MAST2: variants seen among roughly 807,000 people sequenced by gnomAD.
MAST2 encodes the protein microtubule-associated serine/threonine-protein kinase 2.
A neutral mutation model predicts 147.4 loss-of-function variants in MAST2; 70 were observed. The observed-to-expected ratio is 0.47, with a 90% CI of 0.39 to 0.58. The LOEUF is 0.58. MAST2 is among the 20% of genes least tolerant of loss of function. The probability of loss-of-function intolerance (pLI) is 0.00; values close to 1 mark genes in which losing one functional copy is unlikely to be tolerated. For synonymous variants in MAST2, 869 were observed against 896.8 expected (o/e 0.97, Z 0.55); for missense variants, 2,080 against 2,302.3 (o/e 0.90, Z 1.98).
At position 46,031,427 on chromosome 1, in the gene MAST2, C is replaced by T; in HGVS notation, c.3029C>T (p.Ala1010Val). Residue 1010 changes from alanine (A) to valine (V), a missense_variant, in exon 24 of 29, where the codon GCT (alanine) becomes GTT (valine). Physicochemically the swap from Ala to Val is moderately conservative, Grantham distance 64. This residue lies in a region of MAST2 where 1,278 missense variants were observed against 1,304.2 expected (regional missense o/e 0.98). Transcript: ENST00000361297. This position sits in a 1 kb window ranked among gnomAD's most constrained non-coding sequence, Gnocchi z 4.1. Reference protein sequence around the residue: ...ETRGRGTSQLAEGATAKAISD... With the variant: ...ETRGRGTSQLVEGATAKAISD... ...CGAGGCCGTGGGACCTCACAGCTGGCTGAGGGAGCCACAGCCAAGGCCATC... is the reference window on the plus strand; with the variant it reads ...CGAGGCCGTGGGACCTCACAGCTGGTTGAGGGAGCCACAGCCAAGGCCATC... 3 of 1,613,916 alleles carry T rather than the reference C, an allele frequency of 1.9e-6. No homozygotes were observed. Among genetic ancestry groups the T allele is most frequent in the Non-Finnish European group, 2.5e-6 (3 of 1,179,900 alleles).
At chr1:45,997,694 A>C (rs1463616054) in intron 5 of MAST2, 30 bp from the exon 6 acceptor site, 3 of 1,578,480 alleles carry the variant, frequency 1.9e-6, no homozygotes, top group African/African-American at 2.7e-5. Flanking sequence ...AGCAAACCTC[A>C]CAGAGTTTTG....
At chr1:45,890,041 G>T (rs1160778865) in intron 4 of MAST2, among the ~76,000 whole-genome samples, 2 of 152,190 alleles carry the variant, frequency 1.3e-5, no homozygotes, top group Non-Finnish European at 2.9e-5. Flanking sequence ...CCCGTGCCCA[G>T]CTGGAATGTT....
At chr1:45,808,234 T>C (rs898144842) in intron 1 of MAST2, among the ~76,000 whole-genome samples, 10 of 152,168 alleles carry the variant, frequency 6.6e-5, no homozygotes, top group African/African-American at 2.4e-4. Context: ...TGGCTTTTTT[T>C]GTTTGTTTTA....
intron 5 of MAST2, among the ~76,000 whole-genome samples, chr1:45,994,990 C>T (rs1020334673): frequency 6.6e-6 from 1 of 152,102 alleles, no homozygotes; most frequent in African/African-American, 2.4e-5. Flanking sequence ...AGGCGCCCGC[C>T]ACCACGCCCG....
intron 5 of MAST2, among the ~76,000 whole-genome samples, chr1:45,966,393 A>G (rs913556840): frequency 5.3e-5 from 8 of 151,112 alleles, no homozygotes; most frequent in African/African-American, 1.7e-4. Context: ...CAATTGCTAT[A>G]TTGAATGGTA....
At chr1:45,886,845 G>T (rs1382321650) in intron 4 of MAST2, among the ~76,000 whole-genome samples, 1 of 152,004 alleles carries the variant, frequency 6.6e-6, no homozygotes, top group Admixed American at 6.5e-5. Context: ...GTTTGTTTTT[G>T]TGACAGGGTC....
At chr1:45,843,517 A>G (rs1205839379) in intron 3 of MAST2, among the ~76,000 whole-genome samples, 2 of 152,202 alleles carry the variant, frequency 1.3e-5, no homozygotes, top group African/African-American at 2.4e-5. Flanking sequence ...CAAGAGTTAG[A>G]TGTCCAGAGT....
At chr1:46,005,190 C>G (rs1302269078) in intron 7 of MAST2, among the ~76,000 whole-genome samples, 1 of 152,150 alleles carries the variant, frequency 6.6e-6, no homozygotes, top group Non-Finnish European at 1.5e-5. Context: ...TGGAAAAACC[C>G]CATCTTTATT....
At chr1:45,903,485 A>G (rs1650155448) in intron 4 of MAST2, among the ~76,000 whole-genome samples, 1 of 152,054 alleles carries the variant, frequency 6.6e-6, no homozygotes, top group Non-Finnish European at 1.5e-5. Flanking sequence ...AGGTTTTGGT[A>G]TGTTGTGTCT....
chr1:45,836,361 A>G (rs1208262140), intron 3 of MAST2, among the ~76,000 whole-genome samples: 4 of 152,160 alleles, frequency 2.6e-5, no homozygotes, highest in African/African-American at 9.7e-5. Context: ...CTGTCTGTTG[A>G]GGTCACATGG....
chr1:45,878,203 CAAAA>C (rs34794896), intron 3 of MAST2, among the ~76,000 whole-genome samples: 7 of 114,760 alleles, frequency 6.1e-5, no homozygotes, highest in Non-Finnish European at 9.0e-5. Flanking sequence ...GGCTCTATCT[CAAAA>C]AAAAAAAAAA....
At chr1:45,978,417 G>A (rs1296780072) in intron 5 of MAST2, among the ~76,000 whole-genome samples, 1 of 152,152 alleles carries the variant, frequency 6.6e-6, no homozygotes, top group African/African-American at 2.4e-5. Flanking sequence ...TCAGGAGGCC[G>A]AGGCAAAAGA....
chr1:45,869,162 C>T (rs1009810283), intron 3 of MAST2, among the ~76,000 whole-genome samples: 1 of 152,108 alleles, frequency 6.6e-6, no homozygotes, highest in African/African-American at 2.4e-5. Context: ...TTCTACCTAT[C>T]AACCTTCTGA....
Position 46,031,383 on chromosome 1 carries a change from G to T in MAST2, c.2993-8G>T, listed in dbSNP as rs774608627. The T allele has an allele frequency of 6.2e-7, 1 of 1,607,252 alleles. No homozygotes were observed. The highest frequency in any genetic ancestry group is 1.7e-5 in the Admixed American group (1 of 59,672). ...ATCGCGGGTCTCACTGCTTACTTGG[G>T]CCTACAGCTATGGAGACCCGAGGCC... On this transcript the variant is annotated splice_polypyrimidine_tract_variant and splice_region_variant and intron_variant, in intron 23 of 28. Transcript: ENST00000361297. The surrounding 1 kb of genome is among the most constrained non-coding windows in gnomAD (Gnocchi z 4.1).
chr1:45,809,418 G>A (rs527686397), intron 1 of MAST2, among the ~76,000 whole-genome samples: 1 of 152,102 alleles, frequency 6.6e-6, no homozygotes, highest in African/African-American at 2.4e-5. Flanking sequence ...TTGAGCAGGC[G>A]GGTTGCTTGA....
At chr1:45,883,912 G>GGGGGGGGGGGGCCCCCCCC in intron 4 of MAST2, among the ~76,000 whole-genome samples, 1 of 2,506 alleles carries the variant, frequency 4.0e-4, no homozygotes, top group South Asian at 0.033. Context: ...TACTATTTCT[G>GGGGGGGGGGGGCCCCCCCC]CCCCCCCCGC....
chr1:45,852,764 G>A (rs1374835508), intron 3 of MAST2, among the ~76,000 whole-genome samples: 1 of 151,862 alleles, frequency 6.6e-6, no homozygotes, highest in African/African-American at 2.4e-5. Flanking sequence ...CGTCTAAATT[G>A]TTGCATGTAT....
chr1:45,993,047 C>G (rs1340892385), intron 5 of MAST2, among the ~76,000 whole-genome samples: 1 of 152,006 alleles, frequency 6.6e-6, no homozygotes, highest in Non-Finnish European at 1.5e-5. Context: ...TCTTCCATTT[C>G]TCCCCTTCCA....
intron 3 of MAST2, among the ~76,000 whole-genome samples, chr1:45,851,501 G>A (rs1416271606): frequency 1.3e-5 from 2 of 152,156 alleles, no homozygotes; most frequent in Admixed American, 6.5e-5. Context: ...CCAGTGCTCT[G>A]TTGACCAGCA....
Sources: allele counts gnomAD v4.1 joint callset (sites outside exome capture counted in the v4.1 genomes callset), GRCh38; gene constraint gnomAD v4.1.1; regional missense constraint gnomAD v4.1.1; non-coding constraint Gnocchi (gnomAD v3.1); transcripts MANE v1.5; gene names NCBI Gene and HGNC (gene_info 2026-07-23, HGNC 2026-07-21).